RYR2: variants seen among roughly 807,000 people sequenced by gnomAD.
The protein encoded by RYR2 is ryanodine receptor 2.
A neutral mutation model predicts 601.1 loss-of-function variants in RYR2; 227 were observed. The ratio of observed to expected loss-of-function variants is 0.38; its 90% confidence interval spans 0.34 to 0.42. The LOEUF (loss-of-function observed/expected upper bound fraction) is 0.42, where lower values mean the gene tolerates loss of function less well. Ranked by LOEUF, RYR2 falls within the 10% of genes least tolerant of loss-of-function variation. The pLI, the probability that RYR2 is intolerant of heterozygous loss-of-function variation, is 1.00. For synonymous variants in RYR2, 2,223 were observed against 2,175.1 expected (o/e 1.02, Z -0.61); for missense variants, 4,646 against 6,156.5 (o/e 0.75, Z 8.21).
At chr1:237,639,959 C>T (rs1681296592) in intron 46 of RYR2, among the ~76,000 whole-genome samples, 1 of 152,146 alleles carries the variant, frequency 6.6e-6, no homozygotes, top group Admixed American at 6.5e-5. Context: ...GTTCCATGTA[C>T]ACCATAGCCG....
intron 23 of RYR2, among the ~76,000 whole-genome samples, chr1:237,507,287 A>G (rs1391358082): frequency 6.6e-6 from 1 of 152,252 alleles, no homozygotes; most frequent in Non-Finnish European, 1.5e-5. Flanking sequence ...AGGTAGAATG[A>G]AGACTGAGAA....
intron 69 of RYR2, 67 bp downstream of exon 69, chr1:237,709,165 T>C (rs1688619800): frequency 1.5e-6 from 2 of 1,364,418 alleles, no homozygotes; most frequent in Non-Finnish European, 2.0e-6. Context: ...CACATGTCCT[T>C]GTTCAATCGC....
At chr1:237,709,178 C>A in intron 69 of RYR2, 80 bp downstream of exon 69, 1 of 1,277,310 alleles carries the variant, frequency 7.8e-7, no homozygotes, top group South Asian at 1.6e-5. Flanking sequence ...TCAATCGCTT[C>A]ATTCACTATT....
intron 79 of RYR2, among the ~76,000 whole-genome samples, chr1:237,741,141 C>T (rs1055451092): frequency 1.3e-5 from 2 of 152,168 alleles, no homozygotes; most frequent in African/African-American, 4.8e-5. Flanking sequence ...TCCTCCTTTG[C>T]AAACTATGCT....
intron 62 of RYR2, among the ~76,000 whole-genome samples, chr1:237,682,151 A>G (rs1278356965): frequency 6.6e-6 from 1 of 152,154 alleles, no homozygotes; most frequent in African/African-American, 2.4e-5. Flanking sequence ...CGAAGCATCC[A>G]ATTGTGTGTT....
chr1:237,046,858 C>T (rs936655313), intron 1 of RYR2, among the ~76,000 whole-genome samples: 3 of 152,136 alleles, frequency 2.0e-5, no homozygotes, highest in African/African-American at 4.8e-5. Flanking sequence ...TTGTTGAACA[C>T]CGTCTGTATG....
At chr1:237,797,856 C>A (rs1042820064) in intron 96 of RYR2, among the ~76,000 whole-genome samples, 181 bp from the exon 97 acceptor site, 1 of 152,100 alleles carries the variant, frequency 6.6e-6, no homozygotes, top group African/African-American at 2.4e-5. Flanking sequence ...ATGTAAGATG[C>A]TGTGAATTTG....
chr1:237,502,581 C>T (rs1664771779), intron 21 of RYR2, among the ~76,000 whole-genome samples: 1 of 152,058 alleles, frequency 6.6e-6, no homozygotes, highest in African/African-American at 2.4e-5. Context: ...AACCCAGATC[C>T]CTCACAGACA....
intron 95 of RYR2, 119 bp downstream of exon 95, chr1:237,794,116 C>G: frequency 1.2e-6 from 1 of 834,842 alleles, no homozygotes; most frequent in Non-Finnish European, 1.8e-6. Context: ...GTTATATATT[C>G]AGCCAAGAAA....
At chr1:237,049,277 G>A (rs1292891833) in intron 1 of RYR2, among the ~76,000 whole-genome samples, 1 of 152,186 alleles carries the variant, frequency 6.6e-6, no homozygotes, top group Non-Finnish European at 1.5e-5. Flanking sequence ...TTTCAAATGA[G>A]CAGCTGTCAG....
chr1:237,577,404 G>C (rs953881661), intron 29 of RYR2, among the ~76,000 whole-genome samples: 1 of 152,162 alleles, frequency 6.6e-6, no homozygotes, highest in African/African-American at 2.4e-5. Flanking sequence ...GATTAAGATA[G>C]TGATCTTGAA....
At chr1:237,317,205 A>G (rs148020336) in intron 2 of RYR2, among the ~76,000 whole-genome samples, 1 of 152,328 alleles carries the variant, frequency 6.6e-6, no homozygotes, top group East Asian at 1.9e-4. Flanking sequence ...AATGTTTTGC[A>G]TTGTTTGACT....
Position 237,220,018 on chromosome 1 carries a change from TTTGA to T in RYR2, c.49-50475_49-50472del, listed in dbSNP as rs1202809705. Reference sequence around the variant, plus strand: ...CTGTGATTACTTGGTGTATAGTATGTTTGATTGGTTATGTGTTGATTACTGAACA... The same window carrying T: ...CTGTGATTACTTGGTGTATAGTATGTTTGGTTATGTGTTGATTACTGAACA... On this transcript the variant is annotated intron_variant, in intron 1 of 104. Transcript: ENST00000366574. Among the ~76,000 whole-genome samples, 4 of 152,152 alleles carry T rather than the reference TTTGA, an allele frequency of 2.6e-5. 1 individual carries two copies. The highest frequency in any genetic ancestry group is 9.7e-5 in the African/African-American group (4 of 41,434).
chr1:237,378,992 G>C (rs1010633303), intron 8 of RYR2, among the ~76,000 whole-genome samples: 3 of 152,162 alleles, frequency 2.0e-5, no homozygotes, highest in Non-Finnish European at 2.9e-5. Flanking sequence ...GTCACCATGC[G>C]AATTTCTAGG....
chr1:237,652,326 C>A (rs1682841532), intron 51 of RYR2, among the ~76,000 whole-genome samples: 1 of 152,172 alleles, frequency 6.6e-6, no homozygotes, highest in Non-Finnish European at 1.5e-5. Context: ...CTCACTCTAT[C>A]TTACTGAGTT....
intron 56 of RYR2, among the ~76,000 whole-genome samples, chr1:237,665,825 A>G (rs1369610826): frequency 6.6e-6 from 1 of 152,164 alleles, no homozygotes; most frequent in East Asian, 1.9e-4. Context: ...ATGAGAGAAT[A>G]TACATAATTA....
chr1:237,413,888 T>C (rs1704681445), intron 10 of RYR2, among the ~76,000 whole-genome samples: 7 of 152,116 alleles, frequency 4.6e-5, no homozygotes, highest in Admixed American at 2.0e-4. Context: ...AGTTTACCTG[T>C]GAATCATAGA....
Position 237,681,426 on chromosome 1 carries a change from T to C in RYR2, c.9017+849T>C, listed in dbSNP as rs559085768. Among the ~76,000 whole-genome samples the C allele has an allele frequency of 3.3e-5, 5 of 152,284 alleles. No homozygotes were observed. The East Asian group carries it at 7.7e-4, about 24-fold the overall frequency. ...GAGGGTGGAGAAGTGGAAAGATTCC[T>C]GCACTACGTAACACTGGGGAATGCA... On this transcript the variant is annotated intron_variant, in intron 62 of 104. Coordinates refer to ENST00000366574, the MANE Select transcript of RYR2 (RefSeq NM_001035.3).
At chr1:237,193,266 C>A (rs1680199861) in intron 1 of RYR2, among the ~76,000 whole-genome samples, 1 of 151,500 alleles carries the variant, frequency 6.6e-6, no homozygotes, top group Non-Finnish European at 1.5e-5. Flanking sequence ...GAGATCGAGA[C>A]TATCGTGGCT....
Sources: gnomAD v4.1 joint callset for allele counts (sites outside exome capture counted in the v4.1 genomes callset) on GRCh38, gnomAD v4.1.1 for gene constraint, MANE v1.5 for transcripts, NCBI Gene and HGNC (gene_info 2026-07-23, HGNC 2026-07-21) for gene names.